The following ACTL8 variants were observed in gnomAD, a reference collection of about 807,000 sequenced individuals.
ACTL8 encodes actin like 8, also known as actin-like protein 8.
In ACTL8, 3 loss-of-function variants were observed where a neutral mutation model predicts 9.3. The ratio of observed to expected loss-of-function variants is 0.32; its 90% CI spans 0.15 to 0.83. The LOEUF is 0.83. Among genes scored for constraint, ACTL8 ranks in the 40% least tolerant of loss-of-function variants. The probability of loss-of-function intolerance (pLI) is 0.57; values close to 1 mark genes in which losing one functional copy is unlikely to be tolerated. For synonymous variants in ACTL8, 224 were observed against 205.9 expected (o/e 1.09, Z -0.75); for missense variants, 381 against 492.2 (o/e 0.77, Z 2.14).
chr1:17,762,342 T>TG (rs2066012234), intron 1 of ACTL8, among the ~76,000 whole-genome samples: 1 of 152,004 alleles, frequency 6.6e-6, no homozygotes, highest in Non-Finnish European at 1.5e-5. Context: ...AAAGGAAGGA[T>TG]GGCTACTTTC....
At chr1:17,807,543 A>G (rs1357168105) in intron 1 of ACTL8, among the ~76,000 whole-genome samples, 1 of 152,188 alleles carries the variant, frequency 6.6e-6, no homozygotes, top group East Asian at 1.9e-4. Flanking sequence ...ATGCCGTGTT[A>G]TGTATGTTTA....
chr1:17,804,223 G>A lies in ACTL8; in HGVS notation c.-24-18762G>A, dbSNP rs192390226. Among the ~76,000 whole-genome samples the A allele has an allele frequency of 1.5e-4, 23 of 152,266 alleles. No individual in the cohort carries two copies. The East Asian group carries it at 4.4e-3, about 29-fold the overall frequency. On this transcript the variant is annotated intron_variant, in intron 1 of 2. Transcript: ENST00000375406. The stretch of plus-strand genomic sequence containing the variant: ...CAGGCTGTAGTGGGAAACACTAAAG[G>A]CTGTGGTGGTCTCAGAGCTGACACC...
chr1:17,782,495 A>C (rs1437955989), intron 1 of ACTL8, among the ~76,000 whole-genome samples: 1 of 152,202 alleles, frequency 6.6e-6, no homozygotes, highest in Non-Finnish European at 1.5e-5. Context: ...ATAGATCGCC[A>C]CGGCGGCCAC....
chr1:17,802,384 G>A (rs1228823837), intron 1 of ACTL8, among the ~76,000 whole-genome samples: 1 of 151,684 alleles, frequency 6.6e-6, no homozygotes, highest in Non-Finnish European at 1.5e-5. Flanking sequence ...GAGTTGCATC[G>A]TGCTGGCACT....
chr1:17,774,057 C>T (rs2066100760), intron 1 of ACTL8, among the ~76,000 whole-genome samples: 1 of 152,084 alleles, frequency 6.6e-6, no homozygotes, highest in Admixed American at 6.5e-5. Flanking sequence ...AGATGCCCAC[C>T]TGTGGACATT....
intron 1 of ACTL8, among the ~76,000 whole-genome samples, chr1:17,757,883 A>C (rs112980484): frequency 9.2e-4 from 140 of 152,270 alleles, no homozygotes; most frequent in African/African-American, 3.4e-3. Context: ...TGGTTGGTTG[A>C]CTGAAACTTG....
In ACTL8 at chr1:17,826,765, C is replaced by T. The variant is rs574433069; in HGVS notation, c.*246C>T. Reference sequence around the variant, plus strand: ...GCAGGGGACAGTTTTTCCAGGGTGGCCTATCATTGGGGTATGAGTGGCTGA... The same window carrying T: ...GCAGGGGACAGTTTTTCCAGGGTGGTCTATCATTGGGGTATGAGTGGCTGA... On this transcript the variant is annotated 3_prime_UTR_variant, in exon 3 of 3. Transcript: ENST00000375406. This position sits in a 1 kb window ranked among gnomAD's most constrained non-coding sequence, Gnocchi z 4.5. The T allele has an allele frequency of 8.3e-6, 3 of 360,932 alleles. No homozygotes were observed. Among genetic ancestry groups the T allele is most frequent in the African/African-American group, 4.1e-5 (2 of 48,696 alleles). 22.4% of individuals were successfully genotyped at this position (360,932 alleles called of 1,614,324 possible).
At chr1:17,756,434 A>G (rs191339043) in intron 1 of ACTL8, among the ~76,000 whole-genome samples, 26 of 152,270 alleles carry the variant, frequency 1.7e-4, no homozygotes, top group Middle Eastern at 3.4e-3. Context: ...TCTGGTCTTC[A>G]GAGACTCCAT....
chr1:17,802,042 A>G (rs1165440495), intron 1 of ACTL8, among the ~76,000 whole-genome samples: 1 of 152,228 alleles, frequency 6.6e-6, no homozygotes, highest in African/African-American at 2.4e-5. Context: ...TACTATCCCA[A>G]TGAGGAGCAT....
intron 1 of ACTL8, among the ~76,000 whole-genome samples, chr1:17,797,072 T>C (rs2066282637): frequency 6.6e-6 from 1 of 151,888 alleles, no homozygotes; most frequent in African/African-American, 2.4e-5. Context: ...GTAGCTGAGA[T>C]CTGGGGCACC....
At chr1:17,761,421 G>A (rs1327754047) in intron 1 of ACTL8, among the ~76,000 whole-genome samples, 5 of 152,096 alleles carry the variant, frequency 3.3e-5, no homozygotes, top group Admixed American at 3.3e-4. Flanking sequence ...GCAGGAAGTG[G>A]TCTCCCTGGG....
At chr1:17,763,518 C>T (rs952337613) in intron 1 of ACTL8, among the ~76,000 whole-genome samples, 2 of 152,154 alleles carry the variant, frequency 1.3e-5, no homozygotes, top group Admixed American at 6.5e-5. Context: ...GCGGGACCCT[C>T]GGCCCCTCCC....
intron 1 of ACTL8, among the ~76,000 whole-genome samples, chr1:17,760,684 T>C (rs2065994539): frequency 6.6e-6 from 1 of 151,820 alleles, no homozygotes; most frequent in Non-Finnish European, 1.5e-5. Flanking sequence ...TGCTGTGCAG[T>C]GCTGGGCACT....
chr1:17,816,024 A>G (rs1264415703), intron 1 of ACTL8, among the ~76,000 whole-genome samples: 1 of 152,208 alleles, frequency 6.6e-6, no homozygotes, highest in Non-Finnish European at 1.5e-5. Context: ...GTTATAATTT[A>G]TGAATACAAG....
intron 1 of ACTL8, among the ~76,000 whole-genome samples, chr1:17,791,176 G>A (rs570122116): frequency 3.3e-5 from 5 of 152,206 alleles, no homozygotes; most frequent in South Asian, 2.1e-4. Flanking sequence ...CAGCTGCAGC[G>A]GCACCCAGGG....
chr1:17,757,816 A>G (rs1425040432), intron 1 of ACTL8, among the ~76,000 whole-genome samples: 2 of 152,214 alleles, frequency 1.3e-5, no homozygotes, highest in African/African-American at 4.8e-5. Context: ...GGGCACACTC[A>G]TTAGAGGTTC....
intron 1 of ACTL8, among the ~76,000 whole-genome samples, chr1:17,816,149 G>C (rs907735676): frequency 6.6e-6 from 1 of 150,400 alleles, no homozygotes; most frequent in African/African-American, 2.5e-5. Flanking sequence ...ACAGTACTCT[G>C]TTACGAACTA....
chr1:17,802,244 A>G (rs1386550352), intron 1 of ACTL8, among the ~76,000 whole-genome samples: 1 of 152,146 alleles, frequency 6.6e-6, no homozygotes, highest in East Asian at 1.9e-4. Context: ...CGACAGCACT[A>G]CATACAACCA....
rs2053726443 is a variant in ACTL8 at position 17,826,689 on chromosome 1, A to C, written c.*170A>C. 1 of 626,872 alleles carries C rather than the reference A, an allele frequency of 1.6e-6. No homozygotes were observed. Among genetic ancestry groups the C allele is most frequent in the Non-Finnish European group, 2.5e-6 (1 of 404,956 alleles). The allele number at this position is 626,872 out of a possible 1,614,324, so 38.8% of individuals were successfully genotyped here. On this transcript the variant is annotated 3_prime_UTR_variant, in exon 3 of 3. Coordinates refer to ENST00000375406, the MANE Select transcript of ACTL8 (RefSeq NM_030812.3). The surrounding 1 kb of genome is among the most constrained non-coding windows in gnomAD (Gnocchi z 4.5). ...GGTTCTAAGGTTTTATCTTGTTGCA[A>C]GAGTGGGACCTACCCAAGGGGGAAG... is the stretch of plus-strand genomic sequence containing the variant.
Sources: gnomAD v4.1 joint callset for allele counts (sites outside exome capture counted in the v4.1 genomes callset) on GRCh38, gnomAD v4.1.1 for gene constraint, Gnocchi (gnomAD v3.1) non-coding constraint, MANE v1.5 for transcripts, NCBI Gene and HGNC (gene_info 2026-07-23, HGNC 2026-07-21) for gene names.